The following DNAH14 variants were observed in gnomAD, a reference collection of about 807,000 sequenced individuals.
DNAH14 encodes axonemal beta dynein heavy chain 14.
A neutral mutation model predicts 520.9 loss-of-function variants in DNAH14; 478 were observed. The ratio of observed to expected loss-of-function variants is 0.92; its 90% CI spans 0.85 to 0.99. DNAH14 has a LOEUF of 0.99. Among genes scored for constraint, DNAH14 ranks in the 50% least tolerant of loss-of-function variants. DNAH14 has a pLI of 0.00. For synonymous variants in DNAH14, 1,581 were observed against 1,757.2 expected (o/e 0.90, Z 2.51); for missense variants, 4,831 against 5,234.5 (o/e 0.92, Z 2.38).
chr1:224,966,655 T>A (rs1474575600), intron 5 of DNAH14, among the ~76,000 whole-genome samples: 1 of 152,154 alleles, frequency 6.6e-6, no homozygotes, highest in African/African-American at 2.4e-5. Flanking sequence ...AATTTGTGAC[T>A]TTTCTCAAAT....
At chr1:225,211,061 A>G (rs2088329280) in intron 41 of DNAH14, among the ~76,000 whole-genome samples, 1 of 152,248 alleles carries the variant, frequency 6.6e-6, no homozygotes, top group African/African-American at 2.4e-5. Flanking sequence ...CCAGCACACC[A>G]AGGCTGAAAA....
At chr1:225,032,579 C>A (rs1475884541) in intron 11 of DNAH14, among the ~76,000 whole-genome samples, 1 of 151,918 alleles carries the variant, frequency 6.6e-6, no homozygotes, top group African/African-American at 2.4e-5. Flanking sequence ...TGCTTTATAT[C>A]CCTTTGGGTA....
chr1:225,381,300 A>G, intron 80 of DNAH14, 83 bp from the exon 81 acceptor site: 1 of 1,364,084 alleles, frequency 7.3e-7, no homozygotes. Context: ...AAATTCCCTT[A>G]ACTTTCAAAG....
At position 225,103,798 on chromosome 1, in the gene DNAH14, G is replaced by A. The variant is rs181764905; in HGVS notation, c.3867+2914G>A. ...GCTTAAGGAGATTTTGGGCTGAGAC[G>A]ATGGGGTTTTCTAGATATACAATCA... On this transcript the variant is annotated intron_variant, in intron 23 of 85. Transcript: ENST00000682510. Among the ~76,000 whole-genome samples the A allele has an allele frequency of 5.5e-4, 83 of 152,182 alleles. 1 individual carries two copies. Among genetic ancestry groups the A allele is most frequent in the African/African-American group, 1.1e-3 (47 of 41,524 alleles).
chr1:225,020,210 A>G (rs1011631214), intron 10 of DNAH14, among the ~76,000 whole-genome samples: 1 of 151,938 alleles, frequency 6.6e-6, no homozygotes. Flanking sequence ...ACAAAAAAAA[A>G]TCTCAGCCAG....
intron 17 of DNAH14, among the ~76,000 whole-genome samples, chr1:225,063,767 A>G (rs1388855411): frequency 6.6e-6 from 1 of 152,070 alleles, no homozygotes; most frequent in Non-Finnish European, 1.5e-5. Context: ...GATGAAAAGT[A>G]TAAACCAATA....
In DNAH14 at chr1:225,020,707, G is replaced by A. The variant is rs74451757; in HGVS notation, c.1108-2908G>A. Among the ~76,000 whole-genome samples, 76 of 151,994 alleles carry A rather than the reference G, an allele frequency of 5.0e-4. 1 individual carries two copies. In the East Asian group the frequency reaches 0.013, roughly 27 times the overall value. ...CACCTAAAAACCAATAACAGCCTTG[G>A]ACCATATGGATTTGATTCTACCAAA... On this transcript the variant is annotated intron_variant, in intron 10 of 85. Coordinates refer to ENST00000682510, the MANE Select transcript of DNAH14 (RefSeq NM_001367479.1).
At chr1:225,106,510 A>C (rs887166967) in intron 23 of DNAH14, among the ~76,000 whole-genome samples, 2 of 152,184 alleles carry the variant, frequency 1.3e-5, no homozygotes, top group Non-Finnish European at 2.9e-5. Context: ...TGTTACTTTC[A>C]GGTACACCAA....
intron 10 of DNAH14, among the ~76,000 whole-genome samples, chr1:225,008,140 G>A (rs1254147446): frequency 6.6e-6 from 1 of 150,538 alleles, no homozygotes; most frequent in African/African-American, 2.5e-5. Flanking sequence ...TGTTCTCATT[G>A]TTCATCTCCA....
At chr1:225,364,472 T>C (rs2095529325) in intron 75 of DNAH14, among the ~76,000 whole-genome samples, 1 of 152,186 alleles carries the variant, frequency 6.6e-6, no homozygotes, top group Admixed American at 6.5e-5. Context: ...ACCGTCATCA[T>C]TTATTTTGAC....
chr1:225,213,818 G>A lies in DNAH14; in HGVS notation c.6439+6598G>A, dbSNP rs546329120. Among the ~76,000 whole-genome samples, 8 of 152,198 alleles carry A rather than the reference G, an allele frequency of 5.3e-5. No homozygotes were observed. In the South Asian group the frequency reaches 1.7e-3, roughly 32 times the overall value. Reference sequence around the variant, plus strand: ...TAAGGAGATTTTGGGCTGAGACGATGGGGTTTTCTAGATATACACTCATGT... The same window carrying A: ...TAAGGAGATTTTGGGCTGAGACGATAGGGTTTTCTAGATATACACTCATGT... On this transcript the variant is annotated intron_variant, in intron 41 of 85. Transcript: ENST00000682510.
chr1:225,243,614 T>C (rs2092101055), intron 43 of DNAH14, among the ~76,000 whole-genome samples: 1 of 151,896 alleles, frequency 6.6e-6, no homozygotes, highest in African/African-American at 2.4e-5. Flanking sequence ...CGGAACAACA[T>C]GTAGAAATTT....
At chr1:225,253,377 A>G (rs2092625201) in intron 44 of DNAH14, among the ~76,000 whole-genome samples, 1 of 152,128 alleles carries the variant, frequency 6.6e-6, no homozygotes, top group South Asian at 2.1e-4. Flanking sequence ...AATCTAGAAC[A>G]TTACTTCCTC....
chr1:225,258,124 A>G lies in DNAH14; in HGVS notation c.7024+6A>G, dbSNP rs1316568502. On this transcript the variant is annotated splice_donor_region_variant and intron_variant, in intron 45 of 85. Coordinates refer to ENST00000682510, the MANE Select transcript of DNAH14 (RefSeq NM_001367479.1). ...CTGCCCTGTACTTCTCACAGGTATT[A>G]CAAATATTTAATAGAAGGAGAATTT... The G allele has an allele frequency of 1.3e-6, 2 of 1,486,910 alleles. No individual in the cohort carries two copies. Among genetic ancestry groups the G allele is most frequent in the African/African-American group, 2.9e-5 (2 of 68,792 alleles). The allele number at this position is 1,486,910 out of a possible 1,614,324, so 92.1% of individuals were successfully genotyped here.
intron 10 of DNAH14, among the ~76,000 whole-genome samples, chr1:225,013,018 G>C (rs1246859345): frequency 6.6e-6 from 1 of 152,168 alleles, no homozygotes; most frequent in East Asian, 1.9e-4. Context: ...GTGAGGAGCT[G>C]TGATTCTTTG....
chr1:225,388,609 A>G (rs10753405), intron 82 of DNAH14, 118 bp downstream of exon 82: 322,405 of 564,242 alleles, frequency 0.57, 97,457 homozygotes, highest in East Asian at 0.75. Flanking sequence ...TGAATTAAGC[A>G]AGGGAGGGAT....
At position 225,002,856 on chromosome 1, in the gene DNAH14, T is replaced by C. The variant is rs764814228; in HGVS notation, c.904T>C (p.Cys302Arg). ...CTGTTTGGTTTATATAAGAGGACTT[T>C]GTGAAGATGCAATTAATCTCAAAAA... ...QTCLVYIRGLCEDAINLKNYN... is the reference protein window; with the variant it reads ...QTCLVYIRGLREDAINLKNYN... Residue 302 changes from cysteine (C) to arginine (R), a missense_variant, in exon 9 of 86, where the codon TGT becomes CGT. Transcript: ENST00000682510. 156 of 1,549,760 alleles carry C rather than the reference T, an allele frequency of 1.0e-4. No homozygotes were observed. The highest frequency in any genetic ancestry group is 3.7e-4 in the East Asian group (15 of 40,732).
chr1:225,189,660 CTG>C (rs1000245666), intron 37 of DNAH14, among the ~76,000 whole-genome samples: 9 of 151,780 alleles, frequency 5.9e-5, no homozygotes, highest in Non-Finnish European at 1.2e-4. Flanking sequence ...TACTTTCAAA[CTG>C]TGTATTTGAA....
rs143971580 is a variant in DNAH14, at chr1:225,242,646, A to G, written c.6748+1824A>G. On this transcript the variant is annotated intron_variant, in intron 43 of 85. Transcript: ENST00000682510. ...CTGAAGCTGTTTTACAGTTAATTTTATATATAAATAGAAGGAGTGCACTCT... is the reference window on the plus strand; with the variant it reads ...CTGAAGCTGTTTTACAGTTAATTTTGTATATAAATAGAAGGAGTGCACTCT... Among the ~76,000 whole-genome samples, 678 of 152,262 alleles carry G rather than the reference A, an allele frequency of 4.5e-3. 2 individuals carry two copies. The highest frequency in any genetic ancestry group is 6.8e-3 in the Non-Finnish European group (463 of 68,018).
Sources: gnomAD v4.1 joint callset for allele counts (sites outside exome capture counted in the v4.1 genomes callset) on GRCh38, gnomAD v4.1.1 for gene constraint, MANE v1.5 for transcripts, NCBI Gene and HGNC (gene_info 2026-07-23, HGNC 2026-07-21) for gene names.